NPAT: variants seen among roughly 807,000 people sequenced by gnomAD.
NPAT encodes nuclear protein, coactivator of histone transcription, also known as protein NPAT.
In NPAT, 52 loss-of-function variants were observed where a neutral mutation model predicts 130.7. The ratio of observed to expected loss-of-function variants is 0.40; its 90% CI spans 0.32 to 0.50. The LOEUF is 0.50. Among genes scored for constraint, NPAT ranks in the 20% least tolerant of loss-of-function variants. The pLI is 0.68. For missense variants in NPAT, 1,687 were observed against 1,662.6 expected (o/e 1.01, Z -0.26); for synonymous variants, 580 against 584.8 (o/e 0.99, Z 0.12).
At chr11:108,184,769 G>T (rs761142491) in intron 10 of NPAT, among the ~76,000 whole-genome samples, 3 of 152,176 alleles carry the variant, frequency 2.0e-5, no homozygotes, top group Admixed American at 6.5e-5. Flanking sequence ...GGCCTTAAGT[G>T]ATCTGCCCTC....
intron 1 of NPAT, among the ~76,000 whole-genome samples, chr11:108,208,003 A>T (rs1480405807): frequency 6.6e-6 from 1 of 152,238 alleles, no homozygotes; most frequent in Non-Finnish European, 1.5e-5. Flanking sequence ...GTAAGACTTA[A>T]AGTTGTTATG....
chr11:108,201,060 T>C (rs1457232355), intron 1 of NPAT, among the ~76,000 whole-genome samples: 1 of 152,182 alleles, frequency 6.6e-6, no homozygotes, highest in Non-Finnish European at 1.5e-5. Flanking sequence ...GATGACATTC[T>C]CCTTTGCGTT....
chr11:108,222,489 T>C lies in NPAT; in HGVS notation c.37+11A>G, dbSNP rs1404698082. On this transcript the variant is annotated intron_variant, in intron 1 of 17. Transcript: ENST00000278612. ...GGGTCCAATAACCCTCCATCCCGCG[T>C]CCGCGCTTACCCAATACAAGCCGGG... The C allele has an allele frequency of 6.2e-7, 1 of 1,613,422 alleles. No homozygotes were observed. Among genetic ancestry groups the C allele is most frequent in the Non-Finnish European group, 8.5e-7 (1 of 1,179,742 alleles).
Position 108,173,088 on chromosome 11 carries a change from A to C in NPAT, c.1896T>G (p.Thr632=). The part of the protein sequence containing the change: ...EIHLGDSLSS[T]KQPSNDSASV... The stretch of plus-strand genomic sequence containing the variant: ...ATGCTGAATCATTAGATGGTTGTTT[A>C]GTAGAAGACAGCGAATCTCCAAGAT... Residue 632 remains threonine, a synonymous_variant, in exon 13 of 18, where the codon ACT becomes ACG. Coordinates refer to ENST00000278612, the MANE Select transcript of NPAT (RefSeq NM_002519.3). 1 of 1,614,138 alleles carries C rather than the reference A, an allele frequency of 6.2e-7. No individual in the cohort carries two copies. The highest frequency in any genetic ancestry group is 8.5e-7 in the Non-Finnish European group (1 of 1,180,008).
Position 108,197,375 on chromosome 11 carries a change from A to G in NPAT, c.83T>C (p.Ile28Thr). Residue 28 changes from isoleucine to threonine, a missense_variant, in exon 2 of 18, where the codon ATT (isoleucine) becomes ACT (threonine). Ile to Thr is a moderately conservative substitution (Grantham distance 89, BLOSUM62 -1). Coordinates refer to ENST00000278612, the MANE Select transcript of NPAT (RefSeq NM_002519.3). ...TTCTTTTAAATCTGAACTTTCCAAA[A>G]TAAAAGTCTGGCAGGTAGAAATGAG... ...ENLISTCQTFILESSDLKEYA... is the reference protein window; with the variant it reads ...ENLISTCQTFTLESSDLKEYA... 6.2e-7 allele frequency: 1 copy of G among 1,613,580 alleles called. No homozygotes were observed. Among genetic ancestry groups the G allele is most frequent in the Non-Finnish European group, 8.5e-7 (1 of 1,179,508 alleles).
intron 1 of NPAT, among the ~76,000 whole-genome samples, chr11:108,219,171 A>G (rs1226378665): frequency 6.6e-6 from 1 of 152,110 alleles, no homozygotes; most frequent in African/African-American, 2.4e-5. Context: ...AGTAAATAGG[A>G]AGCACTGGTG....
Position 108,188,116 on chromosome 11 carries a change from G to C in NPAT, c.620C>G (p.Ser207Cys). ...QEKKAHASLM[S>C]PGRRKSESQR... The stretch of plus-strand genomic sequence containing the variant: ...CATTTACCTTTTGCGTCTACCGGGA[G>C]ACATTAAACTGGCATGTGCTTTCTT... Residue 207 changes from serine (S) to cysteine (C), a missense_variant, in exon 7 of 18, where the codon TCT (serine) becomes TGT (cysteine). By Grantham distance (112) the Ser-to-Cys change is moderately radical. This residue lies in a region of NPAT where 307 missense variants were observed against 298.9 expected (regional missense o/e 1.03). Transcript: ENST00000278612. The C allele has an allele frequency of 6.2e-7, 1 of 1,612,346 alleles. No individual in the cohort carries two copies. The highest frequency in any genetic ancestry group is 8.5e-7 in the Non-Finnish European group (1 of 1,179,172).
chr11:108,171,124 A>ATTTTTTTT (rs63478164), intron 13 of NPAT: 2 of 95,832 alleles, frequency 2.1e-5, no homozygotes, highest in African/African-American at 4.0e-5. Context: ...TGAAAAAAGG[A>ATTTTTTTT]TTTTTTTTTT....
At position 108,173,865 on chromosome 11, in the gene NPAT, G is replaced by A. The variant is rs751894999; in HGVS notation, c.1133-14C>T. The stretch of plus-strand genomic sequence containing the variant: ...CAGACTGACCATCTGCAAAGTATCA[G>A]GCAGGTAGACAGATATGGTAAATAT... On this transcript the variant is annotated splice_polypyrimidine_tract_variant and intron_variant, in intron 12 of 17. Transcript: ENST00000278612. 9.3e-6 allele frequency: 15 copies of A among 1,609,782 alleles called. No homozygotes were observed. In the South Asian group the frequency reaches 1.6e-4, roughly 18 times the overall value.
intron 1 of NPAT, among the ~76,000 whole-genome samples, chr11:108,208,064 G>A (rs1042555576): frequency 2.0e-5 from 3 of 152,180 alleles, no homozygotes; most frequent in African/African-American, 7.2e-5. Flanking sequence ...GACCAGAAGT[G>A]TTTCAGATTG....
chr11:108,171,905 T>C (rs2077955076), intron 13 of NPAT: 1 of 351,164 alleles, frequency 2.8e-6, no homozygotes, highest in Non-Finnish European at 5.3e-6. Context: ...TATACAACTA[T>C]GTGATGAATT....
intron 15 of NPAT, among the ~76,000 whole-genome samples, 171 bp from the exon 16 acceptor site, chr11:108,162,351 A>G (rs2077860093): frequency 6.6e-6 from 1 of 152,234 alleles, no homozygotes; most frequent in African/African-American, 2.4e-5. Context: ...TGAAATAAGT[A>G]CAAGATGGCT....
In NPAT at chr11:108,176,287, G is replaced by C; in HGVS notation, c.1091C>G (p.Thr364Ser). 3 of 1,586,590 alleles carry C rather than the reference G, an allele frequency of 1.9e-6. No homozygotes were observed. Among genetic ancestry groups the C allele is most frequent in the South Asian group, 2.2e-5 (2 of 90,466 alleles). Residue 364 changes from threonine (T) to serine (S), a missense_variant, in exon 12 of 18, where the codon ACT becomes AGT. Physicochemically the swap from Thr to Ser is moderately conservative, Grantham distance 58. This residue lies in a region of NPAT where 1,379 missense variants were observed against 1,346.6 expected (regional missense o/e 1.02). Coordinates refer to ENST00000278612, the MANE Select transcript of NPAT (RefSeq NM_002519.3). ...AAAAGAACCTTTAACTGCTAGATTA[G>C]TTTCATCTGCTAAGACTATACTGGG... Reference protein sequence around the residue: ...SNPSIVLADETNLAVKGSFET... With the variant: ...SNPSIVLADESNLAVKGSFET...
chr11:108,222,376 T>G, intron 1 of NPAT, 124 bp downstream of exon 1: 1 of 994,688 alleles, frequency 1.0e-6, no homozygotes, highest in African/African-American at 1.6e-5. Context: ...ACCGCCAGTC[T>G]CAACTCGTAA....
intron 1 of NPAT, among the ~76,000 whole-genome samples, chr11:108,216,335 G>C (rs1355662662): frequency 1.3e-5 from 2 of 152,136 alleles, no homozygotes; most frequent in Non-Finnish European, 2.9e-5. Flanking sequence ...CCTAGACCAT[G>C]CATTCTCAAA....
intron 10 of NPAT, 144 bp downstream of exon 10, chr11:108,185,088 T>C: frequency 1.4e-6 from 1 of 704,550 alleles, no homozygotes; most frequent in Admixed American, 2.2e-5. Flanking sequence ...AAGTTTTATC[T>C]TACTATTGTA....
At chr11:108,159,086 TA>T in intron 17 of NPAT, 67 bp from the exon 18 acceptor site, 1 of 951,576 alleles carries the variant, frequency 1.1e-6, no homozygotes, top group Non-Finnish European at 1.7e-6. Context: ...GTAAGTCACC[TA>T]AAACAGTATA....
intron 1 of NPAT, among the ~76,000 whole-genome samples, chr11:108,219,665 C>T (rs1051401267): frequency 1.3e-5 from 2 of 152,144 alleles, no homozygotes; most frequent in Non-Finnish European, 2.9e-5. Context: ...GTTCCAGAAA[C>T]TGATGGTAGT....
chr11:108,191,768 A>G (rs2078171772), intron 4 of NPAT, among the ~76,000 whole-genome samples: 1 of 152,214 alleles, frequency 6.6e-6, no homozygotes, highest in African/African-American at 2.4e-5. Flanking sequence ...CATGGGTTCA[A>G]CGCATCAATT....
Sources: gnomAD v4.1 joint callset for allele counts (sites outside exome capture counted in the v4.1 genomes callset) on GRCh38, gnomAD v4.1.1 for gene constraint, gnomAD v4.1.1 regional missense constraint, MANE v1.5 for transcripts, NCBI Gene and HGNC (gene_info 2026-07-23, HGNC 2026-07-21) for gene names.